Variants in SDK1 observed in about 807,000 individuals in gnomAD.
SDK1 encodes sidekick cell adhesion molecule 1, also known as protein sidekick-1.
In SDK1, 157 loss-of-function variants were observed where a neutral mutation model predicts 245.5. The ratio of observed to expected loss-of-function variants is 0.64; its 90% CI spans 0.56 to 0.73. The LOEUF is 0.73. SDK1 is among the 30% of genes least tolerant of loss of function. SDK1 has a pLI of 0.00. For missense variants in SDK1, 3,583 were observed against 3,002.3 expected (o/e 1.19, Z -4.52); for synonymous variants, 1,647 against 1,278.5 (o/e 1.29, Z -6.15).
At chr7:4,172,879 C>G (rs991385479) in intron 32 of SDK1, among the ~76,000 whole-genome samples, 1 of 152,210 alleles carries the variant, frequency 6.6e-6, no homozygotes, top group African/African-American at 2.4e-5. Context: ...CATAATTTCC[C>G]TCCACTCATC....
chr7:3,658,150 C>G (rs147779990), intron 4 of SDK1, among the ~76,000 whole-genome samples: 1 of 152,112 alleles, frequency 6.6e-6, no homozygotes, highest in Non-Finnish European at 1.5e-5. Context: ...TACTTTGGTG[C>G]GTGATGATCA....
intron 38 of SDK1, among the ~76,000 whole-genome samples, chr7:4,213,242 T>C (rs966214384): frequency 6.6e-6 from 1 of 151,978 alleles, no homozygotes; most frequent in African/African-American, 2.4e-5. Context: ...TGAAACCCCA[T>C]CTCTACTAAA....
chr7:3,566,022 A>G (rs1173551420), intron 1 of SDK1, among the ~76,000 whole-genome samples: 1 of 152,146 alleles, frequency 6.6e-6, no homozygotes, highest in Non-Finnish European at 1.5e-5. Flanking sequence ...AAAGCAATAT[A>G]ATATCTATGA....
At chr7:4,264,538 G>C (rs866774434) in intron 44 of SDK1, among the ~76,000 whole-genome samples, 1 of 113,756 alleles carries the variant, frequency 8.8e-6, no homozygotes, top group Admixed American at 9.4e-5. Context: ...GAGGCCGCGT[G>C]GACCTCTCCT....
In SDK1 at chr7:4,033,892, A is replaced by G. The variant is rs564097984; in HGVS notation, c.2603-15456A>G. Among the ~76,000 whole-genome samples the G allele has an allele frequency of 6.6e-5, 10 of 152,308 alleles. No homozygotes were observed. In the East Asian group the frequency reaches 1.9e-3, roughly 29 times the overall value. ...CAATCCAAACACATCAGTGGGTGCT[A>G]GAACTAGTGGGAGAAGTTTGATGAG... is the stretch of plus-strand genomic sequence containing the variant. On this transcript the variant is annotated intron_variant, in intron 17 of 44. Transcript: ENST00000404826.
At chr7:3,774,502 C>T (rs1420380584) in intron 4 of SDK1, among the ~76,000 whole-genome samples, 4 of 152,190 alleles carry the variant, frequency 2.6e-5, no homozygotes, top group Non-Finnish European at 5.9e-5. Flanking sequence ...GGATAGGTAG[C>T]TCTATTATGC....
intron 3 of SDK1, 101 bp from the exon 4 acceptor site, chr7:3,641,857 A>T: frequency 1.1e-6 from 1 of 911,946 alleles, no homozygotes; most frequent in Non-Finnish European, 1.7e-6. Flanking sequence ...ATGTGGCAGC[A>T]TCAGTGACTT....
chr7:3,886,768 T>C (rs1368710084), intron 5 of SDK1, among the ~76,000 whole-genome samples: 1 of 152,160 alleles, frequency 6.6e-6, no homozygotes, highest in Non-Finnish European at 1.5e-5. Flanking sequence ...TATTAAAAAT[T>C]AGCTAAGCAT....
At chr7:4,189,991 G>GGA (rs1783099599) in intron 35 of SDK1, among the ~76,000 whole-genome samples, 1 of 148,088 alleles carries the variant, frequency 6.8e-6, no homozygotes, top group African/African-American at 2.5e-5. Flanking sequence ...TGGAATGAGA[G>GGA]AAAAAAAAAA....
intron 1 of SDK1, among the ~76,000 whole-genome samples, chr7:3,518,078 G>A (rs1363678567): frequency 2.6e-5 from 4 of 152,010 alleles, no homozygotes; most frequent in Non-Finnish European, 2.9e-5. Context: ...AAGTGTTTTA[G>A]TAAGATATTT....
chr7:4,223,889 ATG>A (rs1562453495), intron 40 of SDK1, among the ~76,000 whole-genome samples: 1 of 152,126 alleles, frequency 6.6e-6, no homozygotes, highest in Non-Finnish European at 1.5e-5. Flanking sequence ...TGCTGTTTAG[ATG>A]TGTCCTTACG....
intron 1 of SDK1, among the ~76,000 whole-genome samples, chr7:3,480,781 G>T (rs186759410): frequency 6.6e-6 from 1 of 152,198 alleles, no homozygotes; most frequent in Non-Finnish European, 1.5e-5. Context: ...AGGATGCAGG[G>T]AGCCTCTAGA....
chr7:3,958,688 T>C (rs994883048), intron 7 of SDK1, among the ~76,000 whole-genome samples: 18 of 152,178 alleles, frequency 1.2e-4, no homozygotes, highest in African/African-American at 4.3e-4. Context: ...AGATATTCCA[T>C]GATTCAAGCC....
chr7:3,848,962 G>A (rs533076000), intron 5 of SDK1, among the ~76,000 whole-genome samples: 18 of 152,282 alleles, frequency 1.2e-4, no homozygotes, highest in East Asian at 1.2e-3. Flanking sequence ...GAGCCGCCGC[G>A]CCCGGCCTGG....
At chr7:3,980,335 T>C (rs1783302616) in intron 13 of SDK1, among the ~76,000 whole-genome samples, 1 of 152,224 alleles carries the variant, frequency 6.6e-6, no homozygotes, top group South Asian at 2.1e-4. Flanking sequence ...TCCTGAGGTG[T>C]CCTGTGCCTG....
chr7:4,118,870 A>G (rs967960933), intron 25 of SDK1, among the ~76,000 whole-genome samples: 5 of 148,880 alleles, frequency 3.4e-5, no homozygotes, highest in Admixed American at 3.3e-4. Context: ...AACATCTAGA[A>G]TAGGCAAATC....
At chr7:3,382,050 C>T (rs578082108) in intron 1 of SDK1, among the ~76,000 whole-genome samples, 5 of 152,294 alleles carry the variant, frequency 3.3e-5, no homozygotes, top group Admixed American at 1.3e-4. Context: ...AAGCTAAACA[C>T]CTTCCCTATG....
intron 17 of SDK1, among the ~76,000 whole-genome samples, chr7:4,034,351 A>G (rs955333460): frequency 2.0e-5 from 3 of 152,206 alleles, no homozygotes; most frequent in Non-Finnish European, 4.4e-5. Context: ...GATGGCAGTC[A>G]TGTGTCAATG....
At chr7:3,783,880 C>T (rs1042545127) in intron 4 of SDK1, among the ~76,000 whole-genome samples, 3 of 151,398 alleles carry the variant, frequency 2.0e-5, no homozygotes, top group East Asian at 1.9e-4. Flanking sequence ...AACAAAAATA[C>T]CCCCAAATAG....
Sources: allele counts gnomAD v4.1 joint callset (sites outside exome capture counted in the v4.1 genomes callset), GRCh38; gene constraint gnomAD v4.1.1; transcripts MANE v1.5; gene names NCBI Gene and HGNC (gene_info 2026-07-23, HGNC 2026-07-21).